MTUS2: variants seen among roughly 807,000 people sequenced by gnomAD.
MTUS2 encodes microtubule associated scaffold protein 2, also known as microtubule-associated tumor suppressor candidate 2.
A neutral mutation model predicts 114.1 loss-of-function variants in MTUS2; 40 were observed. The observed-to-expected ratio is 0.35, with a 90% CI of 0.27 to 0.46. MTUS2 has a LOEUF of 0.46. Among genes scored for constraint, MTUS2 ranks in the 20% least tolerant of loss-of-function variants. The pLI, the probability that MTUS2 is intolerant of heterozygous loss-of-function variation, is 1.00. For missense variants in MTUS2, 1,679 were observed against 1,705.4 expected, an observed-to-expected ratio of 0.98 and a Z score of 0.27; for synonymous variants, 688 against 672.0, an observed-to-expected ratio of 1.02 and a Z score of -0.37.
chr13:29,003,475 C>A (rs1225193718), intron 2 of MTUS2, among the ~76,000 whole-genome samples: 17 of 152,174 alleles, frequency 1.1e-4, no homozygotes, highest in Non-Finnish European at 8.8e-5. Context: ...GTAGTTCAAG[C>A]ATGTTAGTGG....
chr13:29,213,538 T>C (rs1221789588), intron 5 of MTUS2, among the ~76,000 whole-genome samples: 1 of 152,246 alleles, frequency 6.6e-6, no homozygotes, highest in East Asian at 1.9e-4. Flanking sequence ...TATAAAGTTT[T>C]AGTTTTATCA....
intron 7 of MTUS2, chr13:29,339,855 G>T (rs770766905): frequency 6.5e-6 from 1 of 152,966 alleles, no homozygotes; most frequent in Middle Eastern, 2.9e-3. Context: ...CGCAAGGCCC[G>T]GTGTTTCTGG....
At chr13:29,307,560 G>T in intron 6 of MTUS2, 1 of 1,239,912 alleles carries the variant, frequency 8.1e-7, no homozygotes, top group Non-Finnish European at 1.2e-6. Flanking sequence ...TCAAGAAGGT[G>T]GTAAAGCAGG....
At chr13:28,837,015 A>C (rs902942190) in intron 1 of MTUS2, among the ~76,000 whole-genome samples, 2 of 152,172 alleles carry the variant, frequency 1.3e-5, no homozygotes, top group Non-Finnish European at 2.9e-5. Context: ...AAATCTACTC[A>C]GGCTGTTGCT....
chr13:29,130,850 T>C (rs1389990312), intron 5 of MTUS2, among the ~76,000 whole-genome samples: 1 of 152,154 alleles, frequency 6.6e-6, no homozygotes, highest in East Asian at 1.9e-4. Flanking sequence ...GGTCTCAATC[T>C]TTTGACCGCG....
At chr13:29,452,472 A>C (rs181588600) in intron 9 of MTUS2, among the ~76,000 whole-genome samples, 1 of 151,586 alleles carries the variant, frequency 6.6e-6, no homozygotes, top group Non-Finnish European at 1.5e-5. Context: ...CAGACGTGCA[A>C]TTGTAACTCC....
chr13:29,207,638 G>A (rs1895245049), intron 5 of MTUS2, among the ~76,000 whole-genome samples: 1 of 152,064 alleles, frequency 6.6e-6, no homozygotes, highest in Admixed American at 6.6e-5. Context: ...ATAAAGGGAT[G>A]GTGGATTTTG....
intron 1 of MTUS2, among the ~76,000 whole-genome samples, chr13:28,834,013 GAAATT>G (rs144825793): frequency 0.03 from 4,612 of 152,162 alleles, 75 homozygotes; most frequent in Non-Finnish European, 0.037. Context: ...GTTGTTAAAA[GAAATT>G]AAAGATAATG....
intron 5 of MTUS2, among the ~76,000 whole-genome samples, chr13:29,250,123 A>T (rs749229571): frequency 6.6e-6 from 1 of 152,202 alleles, no homozygotes; most frequent in Non-Finnish European, 1.5e-5. Flanking sequence ...TTCTTAAAAA[A>T]TAATAAAATA....
chr13:28,886,471 C>T (rs1270488441), intron 2 of MTUS2, among the ~76,000 whole-genome samples: 1 of 151,996 alleles, frequency 6.6e-6, no homozygotes, highest in Non-Finnish European at 1.5e-5. Flanking sequence ...GATGGATTAG[C>T]TATGAGGTAT....
chr13:29,050,202 C>T (rs745423), intron 4 of MTUS2, among the ~76,000 whole-genome samples: 88,420 of 151,924 alleles, frequency 0.58, 26,070 homozygotes, highest in South Asian at 0.74. Flanking sequence ...GTTTCTCTCC[C>T]TTTCTCTTAT....
At chr13:29,245,490 A>G (rs1896887069) in intron 5 of MTUS2, among the ~76,000 whole-genome samples, 1 of 152,172 alleles carries the variant, frequency 6.6e-6, no homozygotes, top group Non-Finnish European at 1.5e-5. Context: ...ACTGGATAAC[A>G]GGGACCTTCA....
chr13:29,456,754 A>G (rs1309904496), intron 9 of MTUS2, among the ~76,000 whole-genome samples: 17 of 152,234 alleles, frequency 1.1e-4, no homozygotes, highest in Admixed American at 1.0e-3. Flanking sequence ...CCAGAATTCT[A>G]TATCTTGAGA....
At chr13:29,037,829 A>G (rs1367199388) in intron 4 of MTUS2, among the ~76,000 whole-genome samples, 7 of 151,986 alleles carry the variant, frequency 4.6e-5, no homozygotes, top group Admixed American at 4.6e-4. Context: ...TGTATTCTTC[A>G]CGAAGTTTTC....
intron 5 of MTUS2, among the ~76,000 whole-genome samples, chr13:29,213,144 G>A (rs1335358377): frequency 6.6e-6 from 1 of 152,224 alleles, no homozygotes; most frequent in Non-Finnish European, 1.5e-5. Flanking sequence ...CAAAGTGCAA[G>A]GCTTTTAGGA....
intron 5 of MTUS2, among the ~76,000 whole-genome samples, chr13:29,126,632 T>C (rs534504428): frequency 8.4e-4 from 84 of 99,490 alleles, no homozygotes; most frequent in Non-Finnish European, 1.7e-3. Context: ...TTTTTTGTGA[T>C]TTTTTTTTTT....
intron 9 of MTUS2, among the ~76,000 whole-genome samples, chr13:29,449,885 G>A (rs1396094647): frequency 6.6e-6 from 1 of 152,170 alleles, no homozygotes; most frequent in Non-Finnish European, 1.5e-5. Flanking sequence ...CGAAACAATG[G>A]TAGCTTAAGG....
chr13:29,399,171 C>T (rs1008307287), intron 8 of MTUS2, among the ~76,000 whole-genome samples: 2 of 152,188 alleles, frequency 1.3e-5, no homozygotes, highest in African/African-American at 4.8e-5. Context: ...AGAGTAACTT[C>T]CTGACGTTGT....
chr13:29,117,544 C>T (rs1891139740), intron 5 of MTUS2, among the ~76,000 whole-genome samples: 1 of 152,198 alleles, frequency 6.6e-6, no homozygotes, highest in Non-Finnish European at 1.5e-5. Flanking sequence ...CATCCCATTC[C>T]TGTGCATGAG....
Sources: gnomAD v4.1 joint callset for allele counts (sites outside exome capture counted in the v4.1 genomes callset) on GRCh38, gnomAD v4.1.1 for gene constraint, MANE v1.5 for transcripts, NCBI Gene and HGNC (gene_info 2026-07-23, HGNC 2026-07-21) for gene names.